Variants in UNC13C observed in about 807,000 individuals in gnomAD.
UNC13C encodes unc-13 homolog C, also known as protein unc-13 homolog C.
UNC13C carries 174 observed loss-of-function variants against 245.4 expected under a neutral mutation model. The observed-to-expected ratio is 0.71, with a 90% confidence interval of 0.63 to 0.80. The LOEUF (loss-of-function observed/expected upper bound fraction) is 0.80, where lower values mean the gene tolerates loss of function less well. UNC13C is among the 30% of genes least tolerant of loss of function. The pLI is 0.00. For missense variants in UNC13C, 2,829 were observed against 2,602.9 expected, an observed-to-expected ratio of 1.09 and a Z score of -1.89; for synonymous variants, 992 against 895.1, an observed-to-expected ratio of 1.11 and a Z score of -1.93.
intron 4 of UNC13C, among the ~76,000 whole-genome samples, chr15:54,226,740 T>C (rs1178773535): frequency 2.0e-5 from 3 of 152,146 alleles, no homozygotes; most frequent in African/African-American, 7.2e-5. Flanking sequence ...CCAGCACACA[T>C]GTTGGCTCTG....
At chr15:54,179,066 C>A (rs1253191893) in intron 4 of UNC13C, among the ~76,000 whole-genome samples, 3 of 152,094 alleles carry the variant, frequency 2.0e-5, no homozygotes, top group African/African-American at 7.2e-5. Flanking sequence ...GCCTGAATAA[C>A]ATGAATGAAG....
chr15:54,492,006 A>T (rs2141083815), intron 19 of UNC13C, among the ~76,000 whole-genome samples: 1 of 151,020 alleles, frequency 6.6e-6, no homozygotes, highest in Non-Finnish European at 1.5e-5. Context: ...AAAAAAAAAC[A>T]ATTTAGGCAC....
the UNC13C span, among the ~76,000 whole-genome samples, chr15:53,869,048 G>A: frequency 4.6e-5 from 7 of 152,182 alleles, no homozygotes; most frequent in Non-Finnish European, 8.8e-5. Flanking sequence ...GGTCAAGGCT[G>A]CATTGATCCA....
chr15:54,129,735 G>A (rs1232215044), intron 2 of UNC13C, among the ~76,000 whole-genome samples: 1 of 151,216 alleles, frequency 6.6e-6, no homozygotes, highest in Non-Finnish European at 1.5e-5. Context: ...AATCTTTACT[G>A]TACCTTTAAC....
At chr15:54,151,559 T>A (rs1431542975) in intron 4 of UNC13C, among the ~76,000 whole-genome samples, 1 of 152,082 alleles carries the variant, frequency 6.6e-6, no homozygotes, top group African/African-American at 2.4e-5. Context: ...CGTGCCATCA[T>A]GCCTGGCTAA....
At chr15:54,286,829 G>T in intron 10 of UNC13C, among the ~76,000 whole-genome samples, 1 of 152,078 alleles carries the variant, frequency 6.6e-6, no homozygotes, top group East Asian at 1.9e-4. Flanking sequence ...CAATAATACT[G>T]AGGCCAGAAA....
intron 4 of UNC13C, among the ~76,000 whole-genome samples, chr15:54,183,908 A>T (rs1373447344): frequency 2.6e-5 from 4 of 152,160 alleles, no homozygotes; most frequent in Non-Finnish European, 5.9e-5. Context: ...GACCAGACAC[A>T]TTAGCTATGC....
At chr15:54,507,405 A>G (rs1319767887) in intron 23 of UNC13C, among the ~76,000 whole-genome samples, 1 of 152,102 alleles carries the variant, frequency 6.6e-6, no homozygotes, top group African/African-American at 2.4e-5. Context: ...ATGCCAGCCA[A>G]CTTGTGGTTT....
intron 2 of UNC13C, among the ~76,000 whole-genome samples, chr15:54,104,227 A>T (rs907854417): frequency 1.3e-5 from 2 of 152,136 alleles, no homozygotes; most frequent in African/African-American, 4.8e-5. Flanking sequence ...TCCTTAAACG[A>T]TGCCTGGATT....
At chr15:54,563,106 A>T (rs1244197131) in intron 29 of UNC13C, among the ~76,000 whole-genome samples, 1 of 152,024 alleles carries the variant, frequency 6.6e-6, no homozygotes, top group Non-Finnish European at 1.5e-5. Context: ...GATATGTATT[A>T]TGAATTCTGG....
chr15:54,010,793 G>C (rs1391701965), intron 1 of UNC13C, among the ~76,000 whole-genome samples: 2 of 152,152 alleles, frequency 1.3e-5, no homozygotes, highest in Non-Finnish European at 2.9e-5. Flanking sequence ...GCATTACTAT[G>C]TCACCTCAGG....
intron 19 of UNC13C, among the ~76,000 whole-genome samples, chr15:54,462,306 C>T (rs1439029930): frequency 1.3e-5 from 2 of 152,222 alleles, no homozygotes; most frequent in African/African-American, 4.8e-5. Flanking sequence ...GTGCTGGTGG[C>T]CCTCATTCGC....
Position 54,083,324 on chromosome 15 carries a change from C to A in UNC13C, c.2984-59694C>A, listed in dbSNP as rs1566999651. On this transcript the variant is annotated intron_variant, in intron 2 of 32. Coordinates refer to ENST00000260323, the MANE Select transcript of UNC13C (RefSeq NM_001080534.3). ...GGCTATGGCCCTCTGGCAGCGACCACCAAACTGGACTCAGGGCACAGCCTC... is the reference window on the plus strand; with the variant it reads ...GGCTATGGCCCTCTGGCAGCGACCAACAAACTGGACTCAGGGCACAGCCTC... Among the ~76,000 whole-genome samples the A allele has an allele frequency of 1.3e-5, 2 of 152,308 alleles. 1 individual carries two copies. Among genetic ancestry groups the A allele is most frequent in the East Asian group, 3.9e-4 (2 of 5,176 alleles).
At chr15:54,390,225 A>T (rs994504075) in intron 17 of UNC13C, among the ~76,000 whole-genome samples, 1 of 152,196 alleles carries the variant, frequency 6.6e-6, no homozygotes, top group Non-Finnish European at 1.5e-5. Flanking sequence ...TGTCTTTTGC[A>T]TGTAATGGCT....
At chr15:54,142,722 G>A (rs2032080954) in intron 2 of UNC13C, among the ~76,000 whole-genome samples, 1 of 152,150 alleles carries the variant, frequency 6.6e-6, no homozygotes, top group South Asian at 2.1e-4. Context: ...CAGAGCCTCA[G>A]CTGGAGCCCA....
chr15:54,421,320 A>T (rs1263415179), intron 19 of UNC13C, among the ~76,000 whole-genome samples: 1 of 152,024 alleles, frequency 6.6e-6, no homozygotes, highest in Non-Finnish European at 1.5e-5. Flanking sequence ...CTGTATTACT[A>T]GAAGAATGCT....
At chr15:54,410,614 G>T (rs2221841) in intron 18 of UNC13C, among the ~76,000 whole-genome samples, 1 of 151,782 alleles carries the variant, frequency 6.6e-6, no homozygotes, top group Non-Finnish European at 1.5e-5. Context: ...TTATTAAATG[G>T]GGAGTCGTTT....
At chr15:53,906,797 G>T in the UNC13C span, among the ~76,000 whole-genome samples, 1 of 152,208 alleles carries the variant, frequency 6.6e-6, no homozygotes, top group East Asian at 1.9e-4. Flanking sequence ...CCACTTGGTT[G>T]GGGAGGTCCT....
rs370984786 is a variant in UNC13C, at chr15:54,208,588, C to A, written c.3072-26442C>A. Among the ~76,000 whole-genome samples, 5 of 152,062 alleles carry A rather than the reference C, an allele frequency of 3.3e-5. No individual in the cohort carries two copies. The South Asian group carries it at 1.0e-3, about 32-fold the overall frequency. On this transcript the variant is annotated intron_variant, in intron 4 of 32. Transcript: ENST00000260323. ...TAGAAATGATAGATAATAAAATAAA[C>A]CTAAGTACATTATGTGTATGATGTG...
Sources: allele counts gnomAD v4.1 joint callset (sites outside exome capture counted in the v4.1 genomes callset), GRCh38; gene constraint gnomAD v4.1.1; transcripts MANE v1.5; gene names NCBI Gene and HGNC (gene_info 2026-07-23, HGNC 2026-07-21).